PALLD: variants seen among roughly 807,000 people sequenced by gnomAD.
PALLD encodes palladin.
A neutral mutation model predicts 123.5 loss-of-function variants in PALLD; 61 were observed. The ratio of observed to expected loss-of-function variants is 0.49; its 90% CI spans 0.40 to 0.61. PALLD has a LOEUF of 0.61. Among genes scored for constraint, PALLD ranks in the 20% least tolerant of loss-of-function variants. The probability of loss-of-function intolerance (pLI) is 0.00; values close to 1 mark genes in which losing one functional copy is unlikely to be tolerated. For synonymous variants in PALLD, 465 were observed against 496.4 expected, an observed-to-expected ratio of 0.94 and a Z score of 0.84; for missense variants, 1,273 against 1,377.0, an observed-to-expected ratio of 0.92 and a Z score of 1.20.
At chr4:168,554,729 T>A (rs1300732031) in intron 2 of PALLD, among the ~76,000 whole-genome samples, 1 of 152,206 alleles carries the variant, frequency 6.6e-6, no homozygotes, top group Non-Finnish European at 1.5e-5. Context: ...GCTTTATATA[T>A]CTTTCGTTTA....
intron 2 of PALLD, among the ~76,000 whole-genome samples, chr4:168,529,412 A>G (rs1764392713): frequency 6.6e-6 from 1 of 152,074 alleles, no homozygotes; most frequent in Non-Finnish European, 1.5e-5. Flanking sequence ...GCAGCATAGT[A>G]TTAGCGCAAG....
At chr4:168,799,413 T>C (rs1246094758) in intron 10 of PALLD, among the ~76,000 whole-genome samples, 1 of 152,224 alleles carries the variant, frequency 6.6e-6, no homozygotes, top group African/African-American at 2.4e-5. Context: ...CCGAAGTCTC[T>C]CAACATCAAA....
intron 2 of PALLD, among the ~76,000 whole-genome samples, chr4:168,576,798 A>T (rs1235811298): frequency 2.6e-5 from 4 of 152,154 alleles, no homozygotes; most frequent in African/African-American, 9.7e-5. Context: ...TAGATCCCTG[A>T]GGAATTGCCA....
intron 10 of PALLD, among the ~76,000 whole-genome samples, chr4:168,762,827 A>G (rs1368985250): frequency 6.6e-6 from 1 of 152,256 alleles, no homozygotes; most frequent in Non-Finnish European, 1.5e-5. Context: ...CATATACATG[A>G]TGGAATACTA....
chr4:168,621,643 A>T (rs1774774159), intron 2 of PALLD, among the ~76,000 whole-genome samples: 1 of 152,142 alleles, frequency 6.6e-6, no homozygotes, highest in South Asian at 2.1e-4. Flanking sequence ...TTGTTTTGGT[A>T]TGTAAGTCCC....
At chr4:168,836,700 G>A (rs991212379) in intron 10 of PALLD, among the ~76,000 whole-genome samples, 2 of 152,144 alleles carry the variant, frequency 1.3e-5, no homozygotes, top group South Asian at 4.1e-4. Flanking sequence ...TATGACATTC[G>A]GATGCCTTTG....
rs1474373660 is a variant in PALLD at position 168,878,156 on chromosome 4, C to T, written c.1965-12766C>T. Reference sequence around the variant, plus strand: ...GTGGGGCTCCTCCTCGCCGTCGCCCCCGCCCCCGCCACCCCCGGTCTTCAG... The same window carrying T: ...GTGGGGCTCCTCCTCGCCGTCGCCCTCGCCCCCGCCACCCCCGGTCTTCAG... On this transcript the variant is annotated intron_variant, in intron 10 of 21. Transcript: ENST00000505667. 6.7e-7 allele frequency: 1 copy of T among 1,491,914 alleles called. No individual in the cohort carries two copies. The highest frequency in any genetic ancestry group is 8.9e-7 in the Non-Finnish European group (1 of 1,127,632). The allele number at this position is 1,491,914 out of a possible 1,614,324, so 92.4% of individuals were successfully genotyped here. A position where few individuals can be genotyped will look rare whatever the true frequency, so the allele number is the denominator to read the frequency against.
chr4:168,692,452 T>A (rs946488125), intron 8 of PALLD, among the ~76,000 whole-genome samples: 17 of 152,216 alleles, frequency 1.1e-4, no homozygotes, highest in Non-Finnish European at 2.2e-4. Flanking sequence ...AACTGCATAT[T>A]TTGTCTGTGA....
At chr4:168,668,842 G>A (rs934807699) in intron 3 of PALLD, among the ~76,000 whole-genome samples, 6 of 152,248 alleles carry the variant, frequency 3.9e-5, no homozygotes, top group African/African-American at 1.4e-4. Context: ...TTATAAACTT[G>A]CAATCACTAG....
At chr4:168,702,804 C>T (rs1037722086) in intron 8 of PALLD, among the ~76,000 whole-genome samples, 4 of 152,044 alleles carry the variant, frequency 2.6e-5, no homozygotes, top group African/African-American at 9.7e-5. Context: ...TAAAATTTCC[C>T]AATCCCTTGT....
At chr4:168,739,225 C>T (rs1353999133) in intron 10 of PALLD, among the ~76,000 whole-genome samples, 1 of 152,152 alleles carries the variant, frequency 6.6e-6, no homozygotes, top group Non-Finnish European at 1.5e-5. Flanking sequence ...CTGCAGTAAA[C>T]ATGGAGGCGC....
chr4:168,695,008 C>T (rs1783006174), intron 8 of PALLD, among the ~76,000 whole-genome samples: 1 of 152,206 alleles, frequency 6.6e-6, no homozygotes, highest in Non-Finnish European at 1.5e-5. Context: ...TGTCTGGAAA[C>T]AGCCACAAAC....
chr4:168,616,780 T>C lies in PALLD; in HGVS notation c.909-51410T>C, dbSNP rs368562049. On this transcript the variant is annotated intron_variant, in intron 2 of 21. Coordinates refer to ENST00000505667, the MANE Select transcript of PALLD (RefSeq NM_001166108.2). ...AATTTTTAACAAGCTTCCCAGGCAA[T>C]TCCTAAGACCCTAAAGTTTGGGGAA... Among the ~76,000 whole-genome samples, 55 of 152,264 alleles carry C rather than the reference T, an allele frequency of 3.6e-4. No homozygotes were observed. The South Asian group carries it at 0.011, about 31-fold the overall frequency.
At chr4:168,818,616 A>G (rs28599849) in intron 10 of PALLD, among the ~76,000 whole-genome samples, 9,750 of 152,252 alleles carry the variant, frequency 0.064, 1,024 homozygotes, top group African/African-American at 0.22. Flanking sequence ...TAAAAAGAGT[A>G]TTTGACTTCA....
intron 10 of PALLD, among the ~76,000 whole-genome samples, chr4:168,773,821 G>A (rs1734781595): frequency 6.6e-6 from 1 of 152,160 alleles, no homozygotes; most frequent in South Asian, 2.1e-4. Flanking sequence ...AATCCGAAAG[G>A]TCACGGGTAC....
At position 168,690,593 on chromosome 4, in the gene PALLD, T is replaced by G; in HGVS notation, c.1336-10T>G. 6.2e-7 allele frequency: 1 copy of G among 1,614,204 alleles called. No individual in the cohort carries two copies. The highest frequency in any genetic ancestry group is 8.5e-7 in the Non-Finnish European group (1 of 1,180,020). On this transcript the variant is annotated splice_polypyrimidine_tract_variant and intron_variant, in intron 6 of 21. Transcript: ENST00000505667. ...TGATGGGGTTTTCCTTGAATTTCCT[T>G]GAATTTCAGGAACTGCAAAACACAG... is the stretch of plus-strand genomic sequence containing the variant.
At chr4:168,519,361 G>A (rs370792952) in intron 2 of PALLD, among the ~76,000 whole-genome samples, 1 of 152,144 alleles carries the variant, frequency 6.6e-6, no homozygotes, top group Admixed American at 6.5e-5. Flanking sequence ...AATAAGTTCA[G>A]CAGCAATGTC....
At chr4:168,879,599 C>CA (rs1180472284) in intron 10 of PALLD, among the ~76,000 whole-genome samples, 3 of 152,214 alleles carry the variant, frequency 2.0e-5, no homozygotes, top group African/African-American at 2.4e-5. Context: ...TAAAGGCAAG[C>CA]ATTGCTATGT....
Position 168,511,796 on chromosome 4 carries a change from A to G in PALLD, c.292A>G (p.Arg98Gly), listed in dbSNP as rs2149427760. The G allele has an allele frequency of 6.2e-7, 1 of 1,614,204 alleles. No individual in the cohort carries two copies. Among genetic ancestry groups the G allele is most frequent in the Non-Finnish European group, 8.5e-7 (1 of 1,180,026 alleles). ...EHASRRPQDN[R>G]STPVQPLAEK... ...CGCCTCGAGGAGACCTCAGGATAACAGGTCAACACCTGTCCAGCCTCTGGC... is the reference window on the plus strand; with the variant it reads ...CGCCTCGAGGAGACCTCAGGATAACGGGTCAACACCTGTCCAGCCTCTGGC... The change falls in exon 2 of 22, where the codon AGG becomes GGG. Residue 98 changes from arginine (R) to glycine (G), a missense_variant. By Grantham distance (125) the Arg-to-Gly change is moderately radical. Coordinates refer to ENST00000505667, the MANE Select transcript of PALLD (RefSeq NM_001166108.2).
Sources: gnomAD v4.1 joint callset for allele counts (sites outside exome capture counted in the v4.1 genomes callset) on GRCh38, gnomAD v4.1.1 for gene constraint, MANE v1.5 for transcripts, NCBI Gene and HGNC (gene_info 2026-07-23, HGNC 2026-07-21) for gene names.